The following ZW10 variants were observed in gnomAD, a reference collection of about 807,000 sequenced individuals.
ZW10 encodes the protein centromere/kinetochore protein zw10 homolog.
In ZW10, 53 loss-of-function variants were observed where a neutral mutation model predicts 87.8. The ratio of observed to expected loss-of-function variants is 0.60; its 90% CI spans 0.48 to 0.76. The LOEUF is 0.76. Among genes scored for constraint, ZW10 ranks in the 30% least tolerant of loss-of-function variants. The probability of loss-of-function intolerance (pLI) is 0.00; values close to 1 mark genes in which losing one functional copy is unlikely to be tolerated. For missense variants in ZW10, 837 were observed against 923.0 expected (o/e 0.91, Z 1.21); for synonymous variants, 312 against 329.2 (o/e 0.95, Z 0.57).
At position 113,758,716 on chromosome 11, in the gene ZW10, A is replaced by G; in HGVS notation, c.581-10T>C. 6.2e-7 allele frequency: 1 copy of G among 1,613,452 alleles called. No individual in the cohort carries two copies. The highest frequency in any genetic ancestry group is 8.5e-7 in the Non-Finnish European group (1 of 1,179,672). On this transcript the variant is annotated splice_polypyrimidine_tract_variant and intron_variant, in intron 5 of 15. Transcript: ENST00000200135. ...TCCAAACTGCTGGTATCTAAGAAAA[A>G]GGAAGAAAAATATCAGCTGTCTCAC...
chr11:113,751,856 C>T (rs912921782), intron 7 of ZW10, among the ~76,000 whole-genome samples: 3 of 150,628 alleles, frequency 2.0e-5, no homozygotes, highest in South Asian at 2.1e-4. Flanking sequence ...GGCGACAGAG[C>T]GAGACTCCAT....
chr11:113,747,830 C>T, intron 8 of ZW10, 117 bp from the exon 9 acceptor site: 1 of 691,172 alleles, frequency 1.4e-6, no homozygotes, highest in Non-Finnish European at 2.3e-6. Context: ...TTAGAATGGA[C>T]CATCAATTAC....
chr11:113,761,074 G>A (rs1329519131), intron 2 of ZW10, among the ~76,000 whole-genome samples, 156 bp from the exon 3 acceptor site: 1 of 152,138 alleles, frequency 6.6e-6, no homozygotes, highest in Non-Finnish European at 1.5e-5. Context: ...AATGTAGTAG[G>A]AAGATACCTT....
At chr11:113,768,810 C>G in intron 2 of ZW10, 23 bp downstream of exon 2, 1 of 1,612,404 alleles carries the variant, frequency 6.2e-7, no homozygotes. Context: ...ACAAACCTAC[C>G]CAATATAACA....
chr11:113,764,872 T>C (rs1953895546), intron 2 of ZW10, among the ~76,000 whole-genome samples: 1 of 152,232 alleles, frequency 6.6e-6, no homozygotes, highest in Non-Finnish European at 1.5e-5. Context: ...CCCTTCCTTT[T>C]TCACTCTTTT....
Position 113,747,592 on chromosome 11 carries a change from C to A in ZW10, c.1211G>T (p.Cys404Phe), listed in dbSNP as rs1953693008. The A allele has an allele frequency of 6.8e-6, 11 of 1,613,736 alleles. No individual in the cohort carries two copies. Among genetic ancestry groups the A allele is most frequent in the Non-Finnish European group, 9.3e-6 (11 of 1,179,764 alleles). Residue 404 changes from cysteine (C) to phenylalanine (F), a missense_variant, in exon 9 of 16, where the codon TGC (cysteine) becomes TTC (phenylalanine). By Grantham distance (205) the Cys-to-Phe change is radical. Coordinates refer to ENST00000200135, the MANE Select transcript of ZW10 (RefSeq NM_004724.4). The stretch of plus-strand genomic sequence containing the variant: ...TCTGGCTGCCACAATCACATCCTGG[C>A]ACTTTTTGTTTGCAAAATGAGAATT... ...NINSHFANKK[C>F]QDVIVAARNL...
Position 113,733,348 on chromosome 11 carries a change from A to G in ZW10, c.*346T>C. 5.3e-6 allele frequency: 1 copy of G among 188,642 alleles called. No individual in the cohort carries two copies. The highest frequency in any genetic ancestry group is 1.1e-5 in the Non-Finnish European group (1 of 91,718). 11.7% of individuals were successfully genotyped at this position (188,642 alleles called of 1,614,324 possible). A position where few individuals can be genotyped will look rare whatever the true frequency, so the allele number is the denominator to read the frequency against. On this transcript the variant is annotated 3_prime_UTR_variant, in exon 16 of 16. Transcript: ENST00000200135. The stretch of plus-strand genomic sequence containing the variant: ...CTACCCTGACTCCTGGAATCTCCCA[A>G]TTCCTCGTTCCAAAGCTAGGGCCTG...
At chr11:113,739,762 T>C (rs539529759) in intron 11 of ZW10, among the ~76,000 whole-genome samples, 3 of 152,354 alleles carry the variant, frequency 2.0e-5, no homozygotes, top group South Asian at 4.1e-4. Flanking sequence ...ACTTCAGTCA[T>C]ATAATGAAGT....
chr11:113,741,608 G>A, intron 11 of ZW10, 86 bp downstream of exon 11: 2 of 804,070 alleles, frequency 2.5e-6, no homozygotes, highest in East Asian at 2.9e-5. Context: ...TATCTTTAGT[G>A]GGAATATAAA....
chr11:113,739,690 T>C (rs1291220955), intron 11 of ZW10, among the ~76,000 whole-genome samples: 1 of 152,184 alleles, frequency 6.6e-6, no homozygotes, highest in Non-Finnish European at 1.5e-5. Context: ...ATAATGTCCT[T>C]GAAATTTTAC....
chr11:113,741,147 T>C (rs775111246), intron 11 of ZW10, among the ~76,000 whole-genome samples: 1 of 152,116 alleles, frequency 6.6e-6, no homozygotes, highest in Non-Finnish European at 1.5e-5. Flanking sequence ...GGTTTTTTGT[T>C]TCTTTGTTTT....
At chr11:113,759,759 C>T (rs1306827052) in intron 5 of ZW10, among the ~76,000 whole-genome samples, 1 of 152,166 alleles carries the variant, frequency 6.6e-6, no homozygotes. Flanking sequence ...CCTCCTCTAC[C>T]CACAAGCCTA....
At chr11:113,737,848 ACATTTAAC>A in intron 13 of ZW10, 145 bp from the exon 14 acceptor site, 1 of 912,598 alleles carries the variant, frequency 1.1e-6, no homozygotes, top group Non-Finnish European at 1.6e-6. Flanking sequence ...TGCTTCTTGA[ACATTTAAC>A]CATAGTGATA....
intron 3 of ZW10, 100 bp downstream of exon 3, chr11:113,760,717 A>T: frequency 7.7e-7 from 1 of 1,298,106 alleles, no homozygotes; most frequent in South Asian, 1.4e-5. Context: ...AAGAAAAAAA[A>T]ATATGAAGAC....
intron 7 of ZW10, 44 bp downstream of exon 7, chr11:113,757,618 A>G (rs1953804368): frequency 7.7e-7 from 1 of 1,299,064 alleles, no homozygotes; most frequent in African/African-American, 1.5e-5. Flanking sequence ...TATAAACAAT[A>G]TTTAGTTTCC....
chr11:113,737,626 C>T lies in ZW10; in HGVS notation c.1962G>A (p.Gly654=), dbSNP rs1953568066. 2 of 1,613,572 alleles carry T rather than the reference C, an allele frequency of 1.2e-6. No individual in the cohort carries two copies. The highest frequency in any genetic ancestry group is 1.7e-6 in the Non-Finnish European group (2 of 1,179,628). ...LPVNIYCKAM[G]TLLNTAISEV... Reference sequence around the variant, plus strand: ...CAGAAATTGCTGTATTGAGTAAAGTCCCCATAGCCTTGCAATATATATTCA... The same window carrying T: ...CAGAAATTGCTGTATTGAGTAAAGTTCCCATAGCCTTGCAATATATATTCA... The change falls in exon 14 of 16, where the codon GGG becomes GGA. Residue 654 remains glycine, a synonymous_variant. Coordinates refer to ENST00000200135, the MANE Select transcript of ZW10 (RefSeq NM_004724.4).
In ZW10 at chr11:113,747,639, C is replaced by A. The variant is rs1270797735; in HGVS notation, c.1164G>T (p.Leu388Phe). ...MRFLKGDTTD[L>F]LKYARNINSH... ...AATTGATGTTACGAGCGTATTTCAG[C>A]AAATCTGTAGTATCTCCTTTTAAAA... Residue 388 changes from leucine to phenylalanine, a missense_variant, in exon 9 of 16, where the codon TTG (leucine) becomes TTT (phenylalanine). Transcript: ENST00000200135. 5.0e-6 allele frequency: 8 copies of A among 1,613,684 alleles called. No individual in the cohort carries two copies. The highest frequency in any genetic ancestry group is 1.7e-4 in the Middle Eastern group (1 of 6,056).
Position 113,733,504 on chromosome 11 carries a change from A to G in ZW10, c.*190T>C. ...ATTGAGGTGCTTTACTTGACAATTTATCTTAATAAACAGTTCTTAAACAAA... is the reference window on the plus strand; with the variant it reads ...ATTGAGGTGCTTTACTTGACAATTTGTCTTAATAAACAGTTCTTAAACAAA... On this transcript the variant is annotated 3_prime_UTR_variant, in exon 16 of 16. Transcript: ENST00000200135. 1.6e-6 allele frequency: 1 copy of G among 630,168 alleles called. No individual in the cohort carries two copies. The highest frequency in any genetic ancestry group is 2.6e-6 in the Non-Finnish European group (1 of 377,656). 39.0% of individuals were successfully genotyped at this position (630,168 alleles called of 1,614,324 possible).
Position 113,738,286 on chromosome 11 carries a change from G to A in ZW10, c.1862C>T (p.Ala621Val). The A allele has an allele frequency of 6.2e-7, 1 of 1,610,924 alleles. No homozygotes were observed. Among genetic ancestry groups the A allele is most frequent in the South Asian group, 1.1e-5 (1 of 90,458 alleles). ...SNMDDEENYSAASKAVRQVLH... is the reference protein window; with the variant it reads ...SNMDDEENYSVASKAVRQVLH... ...TACCTGCCGGACTGCTTTACTTGCT[G>A]CAGAATAATTCTCTTCATCGTCCAT... Residue 621 changes from alanine (A) to valine (V), a missense_variant, in exon 13 of 16, where the codon GCA becomes GTA. Coordinates refer to ENST00000200135, the MANE Select transcript of ZW10 (RefSeq NM_004724.4).
Sources: allele counts gnomAD v4.1 joint callset (sites outside exome capture counted in the v4.1 genomes callset), GRCh38; gene constraint gnomAD v4.1.1; transcripts MANE v1.5; gene names NCBI Gene and HGNC (gene_info 2026-07-23, HGNC 2026-07-21).